Variants in FBXL13 observed in about 807,000 individuals in gnomAD.
The protein encoded by FBXL13 is F-box and leucine rich repeat protein 13, also known as F-box and leucine-rich repeat protein 13.
A neutral mutation model predicts 83.6 loss-of-function variants in FBXL13; 67 were observed. That is an observed-to-expected ratio of 0.80 (90% CI 0.66 to 0.98). The LOEUF is 0.98. Among genes scored for constraint, FBXL13 ranks in the 50% least tolerant of loss-of-function variants. The pLI is 0.00. For synonymous variants in FBXL13, 272 were observed against 299.5 expected (o/e 0.91, Z 0.95); for missense variants, 822 against 866.5 (o/e 0.95, Z 0.64).
intron 9 of FBXL13, among the ~76,000 whole-genome samples, chr7:102,930,221 T>C (rs1412747516): frequency 6.6e-6 from 1 of 152,108 alleles, no homozygotes; most frequent in Non-Finnish European, 1.5e-5. Flanking sequence ...ATTCATGCAG[T>C]CTTTTCACCA....
At chr7:102,982,485 G>A (rs187489049) in intron 6 of FBXL13, among the ~76,000 whole-genome samples, 53 of 152,182 alleles carry the variant, frequency 3.5e-4, no homozygotes, top group Non-Finnish European at 6.6e-4. Context: ...CCCATCGTTG[G>A]CACTGGAATT....
chr7:103,055,889 T>C (rs1421736628), intron 1 of FBXL13, 142 bp from the exon 2 acceptor site: 1 of 406,224 alleles, frequency 2.5e-6, no homozygotes, highest in Non-Finnish European at 4.6e-6. Flanking sequence ...GGGGAACAGG[T>C]GGTGTTTGGT....
intron 5 of FBXL13, among the ~76,000 whole-genome samples, chr7:103,027,019 C>A (rs538389690): frequency 2.0e-5 from 3 of 152,110 alleles, no homozygotes; most frequent in Admixed American, 2.0e-4. Context: ...CCCGGCCAGA[C>A]ACGGTGGCTC....
At chr7:102,978,632 G>A (rs1827808580) in intron 6 of FBXL13, 2 of 207,342 alleles carry the variant, frequency 9.6e-6, no homozygotes, top group South Asian at 1.7e-4. Context: ...CAGCCTGCCT[G>A]CACCCAGGTA....
intron 2 of FBXL13, among the ~76,000 whole-genome samples, chr7:103,049,318 C>T (rs2129494702): frequency 6.6e-6 from 1 of 152,266 alleles, no homozygotes; most frequent in Non-Finnish European, 1.5e-5. Flanking sequence ...AATATCTGAC[C>T]TGCATAATTT....
intron 11 of FBXL13, among the ~76,000 whole-genome samples, chr7:102,908,743 T>C (rs1224454993): frequency 6.6e-6 from 1 of 152,226 alleles, no homozygotes; most frequent in Non-Finnish European, 1.5e-5. Flanking sequence ...TTCCCTTCTG[T>C]TTCCCAAACA....
intron 8 of FBXL13, among the ~76,000 whole-genome samples, chr7:102,953,311 C>T (rs1391219421): frequency 2.0e-5 from 3 of 151,540 alleles, no homozygotes; most frequent in Non-Finnish European, 4.4e-5. Context: ...CCATGATGTA[C>T]GAACAAGCAA....
intron 17 of FBXL13, among the ~76,000 whole-genome samples, chr7:102,834,098 GAA>G (rs1359914662): frequency 1.1e-4 from 10 of 93,914 alleles, no homozygotes; most frequent in Non-Finnish European, 1.9e-4. Context: ...AAGAAAGAAA[GAA>G]AGAAAGAAAG....
intron 10 of FBXL13, among the ~76,000 whole-genome samples, chr7:102,923,837 T>A (rs1406349095): frequency 6.6e-6 from 1 of 151,642 alleles, no homozygotes; most frequent in African/African-American, 2.4e-5. Context: ...AATAAATAAA[T>A]AAATAAAAAG....
intron 19 of FBXL13, among the ~76,000 whole-genome samples, chr7:102,820,929 C>T (rs888029453): frequency 1.3e-5 from 2 of 152,198 alleles, no homozygotes; most frequent in African/African-American, 4.8e-5. Context: ...TAGCATCACA[C>T]CATGATTAGG....
chr7:102,924,388 T>G (rs909160148), intron 10 of FBXL13, among the ~76,000 whole-genome samples: 2 of 152,188 alleles, frequency 1.3e-5, no homozygotes, highest in South Asian at 4.1e-4. Context: ...ATTATATATT[T>G]AAGTAAAAAT....
At chr7:102,934,766 C>A in intron 8 of FBXL13, 2 of 1,232,358 alleles carry the variant, frequency 1.6e-6, no homozygotes, top group Non-Finnish European at 2.3e-6. Flanking sequence ...TACATCCCAC[C>A]ATGTCTTGGA....
intron 11 of FBXL13, among the ~76,000 whole-genome samples, chr7:102,907,569 T>C (rs1300993273): frequency 2.7e-5 from 4 of 150,904 alleles, no homozygotes; most frequent in Admixed American, 1.3e-4. Context: ...GAACATGCGA[T>C]GTTTGGTTTT....
At chr7:103,025,139 C>T in exon 6 of FBXL13, 2 of 1,612,284 alleles carry the variant, frequency 1.2e-6, no homozygotes, top group Non-Finnish European at 1.7e-6. Flanking sequence ...TTCAGAAGAA[C>T]TTCGTTCAGG....
At chr7:103,038,273 G>A (rs1585492684) in intron 2 of FBXL13, among the ~76,000 whole-genome samples, 1 of 152,222 alleles carries the variant, frequency 6.6e-6, no homozygotes, top group African/African-American at 2.4e-5. Flanking sequence ...CATTGCTGAG[G>A]CTTGAGTAGC....
chr7:102,937,858 C>T (rs1820631574), intron 8 of FBXL13, among the ~76,000 whole-genome samples: 1 of 152,158 alleles, frequency 6.6e-6, no homozygotes, highest in Non-Finnish European at 1.5e-5. Flanking sequence ...AAGTATACCA[C>T]ATATACATGG....
In FBXL13 at chr7:102,879,589, C is replaced by T. The variant is rs187456778; in HGVS notation, c.1389-1139G>A. Among the ~76,000 whole-genome samples the T allele has an allele frequency of 2.0e-4, 30 of 152,214 alleles. No individual in the cohort carries two copies. The East Asian group carries it at 4.1e-3, about 21-fold the overall frequency. The stretch of plus-strand genomic sequence containing the variant: ...GCCAAACCTGGATATCAAAAGTATC[C>T]ATGCTGTTTTTTTGTTTGTTTGTTT... On this transcript the variant is annotated intron_variant, in intron 14 of 19. Coordinates refer to ENST00000313221, the Ensembl canonical transcript of FBXL13.
At chr7:102,946,495 G>C (rs1350428641) in intron 8 of FBXL13, among the ~76,000 whole-genome samples, 5 of 152,150 alleles carry the variant, frequency 3.3e-5, no homozygotes, top group Non-Finnish European at 7.4e-5. Flanking sequence ...CAGGAAAGTG[G>C]GGGAGCACTC....
intron 16 of FBXL13, among the ~76,000 whole-genome samples, chr7:102,871,384 A>T (rs1229808212): frequency 7.2e-5 from 11 of 151,816 alleles, no homozygotes; most frequent in East Asian, 3.9e-4. Context: ...TTAAAAAAAA[A>T]ATTTTAATTT....
Sources: gnomAD v4.1 joint callset for allele counts (sites outside exome capture counted in the v4.1 genomes callset) on GRCh38, gnomAD v4.1.1 for gene constraint, MANE v1.5 for transcripts, NCBI Gene and HGNC (gene_info 2026-07-23, HGNC 2026-07-21) for gene names.